The following EVI5L variants were observed in gnomAD, a reference collection of about 807,000 sequenced individuals.
EVI5L encodes EVI5-like protein.
Under a neutral mutation model 106.1 loss-of-function variants are expected in EVI5L, and 30 were observed. That is an observed-to-expected ratio of 0.28 (90% confidence interval 0.21 to 0.38). The LOEUF (loss-of-function observed/expected upper bound fraction) is 0.38. EVI5L is among the 10% of genes least tolerant of loss of function. The pLI, the probability that EVI5L is intolerant of heterozygous loss-of-function variation, is 1.00. For synonymous variants in EVI5L, 489 were observed against 483.3 expected, an observed-to-expected ratio of 1.01 and a Z score of -0.15; for missense variants, 809 against 1,098.0, an observed-to-expected ratio of 0.74 and a Z score of 3.72.
rs545456227 is a variant in EVI5L, at chr19:7,856,224, G to T, written c.1200+156G>T. ...CTGCCCCAGGACCCGACCTGAACCC[G>T]ATTTGGAGTGCCCTGCAACTGGGGG... On this transcript the variant is annotated intron_variant, in intron 11 of 19. Coordinates refer to ENST00000538904, the MANE Select transcript of EVI5L (RefSeq NM_001159944.3). The surrounding 1 kb of genome is among the most constrained non-coding windows in gnomAD (Gnocchi z 6.6). Among the ~76,000 whole-genome samples, 1 of 152,108 alleles carries T rather than the reference G, an allele frequency of 6.6e-6. No individual in the cohort carries two copies. The highest frequency in any genetic ancestry group is 2.4e-5 in the African/African-American group (1 of 41,410).
chr19:7,849,468 G>A (rs943986597), intron 5 of EVI5L, 138 bp downstream of exon 5: 61 of 950,202 alleles, frequency 6.4e-5, no homozygotes, highest in South Asian at 1.1e-4. Context: ...ATCCACACCC[G>A]TGACCTCTGC....
rs60334925 is a variant in EVI5L at position 7,860,455 on chromosome 19, T to A, written c.1375-106T>A. 5.9e-4 allele frequency: 588 copies of A among 1,001,442 alleles called. 4 individuals are homozygous for A. The African/African-American group carries it at 8.7e-3, about 15-fold the overall frequency. 62.0% of individuals were successfully genotyped at this position (1,001,442 alleles called of 1,614,324 possible). ...AGGACACCCCAAGCCTGGGCCCCTC[T>A]CCCTGCTGAAGGGCTCTGGGGAGGC... On this transcript the variant is annotated intron_variant, in intron 13 of 19. Coordinates refer to ENST00000538904, the MANE Select transcript of EVI5L (RefSeq NM_001159944.3).
chr19:7,836,456 TACAG>T (rs1339959938), intron 1 of EVI5L, among the ~76,000 whole-genome samples: 1 of 152,074 alleles, frequency 6.6e-6, no homozygotes, highest in Non-Finnish European at 1.5e-5. Context: ...AGTAAAAGAA[TACAG>T]ACAGAGCTGC....
At chr19:7,853,998 A>G (rs1179377490) in intron 10 of EVI5L, among the ~76,000 whole-genome samples, 1 of 152,144 alleles carries the variant, frequency 6.6e-6, no homozygotes, top group Non-Finnish European at 1.5e-5. Context: ...ACAAGCATTT[A>G]TTGCCGGGCG....
Position 7,857,082 on chromosome 19 carries a change from C to G in EVI5L, c.1201-10C>G, listed in dbSNP as rs769844439. On this transcript the variant is annotated splice_polypyrimidine_tract_variant and intron_variant, in intron 11 of 19. Transcript: ENST00000538904. The surrounding 1 kb of genome is among the most constrained non-coding windows in gnomAD (Gnocchi z 4.5). ...TCCCCCTGTCGCTGGGAACCCCCTT[C>G]GCCGGGTAGGAGAGCGCTGCTCTGG... is the stretch of plus-strand genomic sequence containing the variant. The G allele has an allele frequency of 6.4e-7, 1 of 1,551,720 alleles. No homozygotes were observed. The highest frequency in any genetic ancestry group is 1.4e-5 in the African/African-American group (1 of 73,068).
At chr19:7,861,778 G>C (rs765205019) in intron 14 of EVI5L, 100 bp from the exon 15 acceptor site, 52 of 1,470,956 alleles carry the variant, frequency 3.5e-5, no homozygotes, top group Non-Finnish European at 4.1e-5. Flanking sequence ...AGCCGCCCAA[G>C]GCAGAGCTCA....
intron 1 of EVI5L, among the ~76,000 whole-genome samples, chr19:7,843,729 T>C (rs1978817612): frequency 6.6e-6 from 1 of 151,890 alleles, no homozygotes; most frequent in African/African-American, 2.4e-5. Flanking sequence ...TTTGCATGTG[T>C]ATGTGTGAGA....
At position 7,863,288 on chromosome 19, in the gene EVI5L, G is replaced by A; in HGVS notation, c.2139+8G>A. The A allele has an allele frequency of 6.4e-7, 1 of 1,553,174 alleles. No homozygotes were observed. The highest frequency in any genetic ancestry group is 2.4e-5 in the East Asian group (1 of 41,508). Reference sequence around the variant, plus strand: ...GAGGAGCTGAAGGCCGAGGTGAGCCGGCGCGGGGATGCCGGGGACAGGCCT... The same window carrying A: ...GAGGAGCTGAAGGCCGAGGTGAGCCAGCGCGGGGATGCCGGGGACAGGCCT... On this transcript the variant is annotated splice_region_variant and intron_variant, in intron 19 of 19. Transcript: ENST00000538904. The surrounding 1 kb of genome is among the most constrained non-coding windows in gnomAD (Gnocchi z 7.7).
chr19:7,839,872 G>A (rs554176488), intron 1 of EVI5L, among the ~76,000 whole-genome samples: 4 of 152,336 alleles, frequency 2.6e-5, no homozygotes, highest in Admixed American at 1.3e-4. Context: ...CTGCACTCCA[G>A]CCTGGGAAAC....
At chr19:7,832,968 G>T (rs1370025863) in intron 1 of EVI5L, among the ~76,000 whole-genome samples, 2 of 152,136 alleles carry the variant, frequency 1.3e-5, no homozygotes, top group Admixed American at 6.5e-5. Flanking sequence ...AGGTCACGTG[G>T]TATCTCTCAC....
intron 1 of EVI5L, among the ~76,000 whole-genome samples, chr19:7,830,837 G>T (rs955837636): frequency 3.5e-5 from 1 of 28,942 alleles, no homozygotes; most frequent in Non-Finnish European, 7.2e-5. Context: ...CCCCCTCCCC[G>T]CACCCCCTCA....
chr19:7,857,037 G>A lies in EVI5L; in HGVS notation c.1201-55G>A, dbSNP rs564644995. The A allele has an allele frequency of 4.8e-5, 74 of 1,546,628 alleles. No homozygotes were observed. The East Asian group carries it at 5.9e-4, about 12-fold the overall frequency. On this transcript the variant is annotated intron_variant, in intron 11 of 19. Coordinates refer to ENST00000538904, the MANE Select transcript of EVI5L (RefSeq NM_001159944.3). The surrounding 1 kb of genome is among the most constrained non-coding windows in gnomAD (Gnocchi z 4.5). Reference sequence around the variant, plus strand: ...TGTCTGTCTCCCCTCTCCTGTCCCCGCGCCTTCCGCTCTGCCTCCTCCCCC... The same window carrying A: ...TGTCTGTCTCCCCTCTCCTGTCCCCACGCCTTCCGCTCTGCCTCCTCCCCC...
At chr19:7,836,519 G>A (rs1044079877) in intron 1 of EVI5L, among the ~76,000 whole-genome samples, 3 of 152,200 alleles carry the variant, frequency 2.0e-5, no homozygotes, top group Non-Finnish European at 2.9e-5. Context: ...AGAAATCCAA[G>A]TTCAAATCCT....
intron 8 of EVI5L, chr19:7,852,856 G>A: frequency 1.8e-6 from 1 of 541,574 alleles, no homozygotes. Flanking sequence ...TCCAGCATCT[G>A]CCAGCTTTTC....
Position 7,851,993 on chromosome 19 carries a change from C to T in EVI5L, c.987+223C>T, listed in dbSNP as rs541566000. 3.4e-3 allele frequency among the ~76,000 whole-genome samples: 517 copies of T among 152,282 alleles called. 3 individuals carry two copies. Among genetic ancestry groups the T allele is most frequent in the Non-Finnish European group, 5.8e-3 (393 of 67,998 alleles). ...CACAGTCAGGGGCCAGCAGCCTGGC[C>T]GCAGGGAGACAGGAGGCCCAGGCTG... is the stretch of plus-strand genomic sequence containing the variant. On this transcript the variant is annotated intron_variant, in intron 8 of 19. Transcript: ENST00000538904.
In EVI5L at chr19:7,860,435, A is replaced by T. The variant is rs1042368086; in HGVS notation, c.1375-126A>T. 4 of 760,562 alleles carry T rather than the reference A, an allele frequency of 5.3e-6. No homozygotes were observed. The Admixed American group carries it at 8.9e-5, about 17-fold the overall frequency. 47.1% of individuals were successfully genotyped at this position (760,562 alleles called of 1,614,324 possible). On this transcript the variant is annotated intron_variant, in intron 13 of 19. Coordinates refer to ENST00000538904, the MANE Select transcript of EVI5L (RefSeq NM_001159944.3). ...AGCATCAGGGGGTCCAGCCCAGGAC[A>T]CCCCAAGCCTGGGCCCCTCTCCCTG...
In EVI5L at chr19:7,862,949, TC is replaced by T; in HGVS notation, c.1948-17del. 4.7e-6 allele frequency: 7 copies of T among 1,496,710 alleles called. No homozygotes were observed. In the Admixed American group the frequency reaches 5.9e-5, roughly 13 times the overall value. 92.7% of individuals were successfully genotyped at this position (1,496,710 alleles called of 1,614,324 possible). On this transcript the variant is annotated intron_variant, in intron 17 of 19. Transcript: ENST00000538904. Reference sequence around the variant, plus strand: ...CCGCGCCCCCTGACCCGCCCTCCTTTCCCCCCAATCCCCCGACCCCAGAGCA... The same window carrying T: ...CCGCGCCCCCTGACCCGCCCTCCTTTCCCCCAATCCCCCGACCCCAGAGCA...
intron 10 of EVI5L, among the ~76,000 whole-genome samples, chr19:7,855,774 C>T (rs369531873): frequency 2.6e-5 from 4 of 152,318 alleles, no homozygotes; most frequent in Admixed American, 6.5e-5. Flanking sequence ...AAGGCACTGA[C>T]GTTATTTTTA....
intron 10 of EVI5L, among the ~76,000 whole-genome samples, chr19:7,855,101 C>G (rs1016968745): frequency 1.3e-5 from 2 of 150,990 alleles, no homozygotes; most frequent in African/African-American, 4.9e-5. Flanking sequence ...ACCTAAAGTG[C>G]AAATATCTTT....
Sources: allele counts gnomAD v4.1 joint callset (sites outside exome capture counted in the v4.1 genomes callset), GRCh38; gene constraint gnomAD v4.1.1; non-coding constraint Gnocchi (gnomAD v3.1); transcripts MANE v1.5; gene names NCBI Gene and HGNC (gene_info 2026-07-23, HGNC 2026-07-21).